The following CNTLN variants were observed in gnomAD, a reference collection of about 807,000 sequenced individuals.
The protein encoded by CNTLN is centlein, centrosomal protein.
In CNTLN, 212 loss-of-function variants were observed where a neutral mutation model predicts 180.0. That is an observed-to-expected ratio of 1.18 (90% CI 1.05 to 1.32). The LOEUF (loss-of-function observed/expected upper bound fraction) is 1.32. Among genes scored for constraint, CNTLN ranks in the 40% most tolerant of loss-of-function variants. CNTLN has a pLI of 0.00. For missense variants in CNTLN, 2,095 were observed against 1,610.9 expected (o/e 1.30, Z -5.14); for synonymous variants, 722 against 563.1 (o/e 1.28, Z -3.99).
In CNTLN at chr9:17,141,180, T is replaced by G. The variant is rs144678990; in HGVS notation, c.361-2108T>G. Among the ~76,000 whole-genome samples, 7 of 152,276 alleles carry G rather than the reference T, an allele frequency of 4.6e-5. No individual in the cohort carries two copies. In the East Asian group the frequency reaches 1.3e-3, roughly 29 times the overall value. ...TCTGTTACTTGGGCAGAATTGTTTC[T>G]GTAACTAAAAAGAGAGAATGGATGA... On this transcript the variant is annotated intron_variant, in intron 1 of 25. Transcript: ENST00000380647.
At chr9:17,441,823 G>A (rs1037305034) in intron 18 of CNTLN, among the ~76,000 whole-genome samples, 3 of 152,058 alleles carry the variant, frequency 2.0e-5, no homozygotes, top group Admixed American at 6.6e-5. Flanking sequence ...TAGTTTTAAC[G>A]ACACAGGCTT....
At chr9:17,466,572 A>C in intron 22 of CNTLN, 134 bp from the exon 23 acceptor site, 1 of 663,196 alleles carries the variant, frequency 1.5e-6, no homozygotes, top group Non-Finnish European at 2.5e-6. Context: ...TAATGAAAAT[A>C]ATCATTAATT....
intron 15 of CNTLN, among the ~76,000 whole-genome samples, chr9:17,406,885 C>G (rs773966538): frequency 1.3e-5 from 2 of 151,644 alleles, no homozygotes; most frequent in African/African-American, 2.4e-5. Flanking sequence ...CAAGGGCTCT[C>G]CAATCAAATC....
intron 23 of CNTLN, among the ~76,000 whole-genome samples, chr9:17,481,132 G>C (rs1372119531): frequency 6.6e-6 from 1 of 152,122 alleles, no homozygotes; most frequent in African/African-American, 2.4e-5. Flanking sequence ...GGCACAGTCT[G>C]GACCCCGCCG....
intron 23 of CNTLN, 64 bp downstream of exon 23, chr9:17,466,955 T>G (rs1831788957): frequency 8.7e-7 from 1 of 1,145,840 alleles, no homozygotes; most frequent in Non-Finnish European, 1.2e-6. Flanking sequence ...GTAGCCTACT[T>G]GAGATGATTT....
chr9:17,492,802 G>A (rs374591817), intron 25 of CNTLN, among the ~76,000 whole-genome samples: 7 of 152,112 alleles, frequency 4.6e-5, no homozygotes, highest in East Asian at 1.9e-4. Context: ...TCACAACAGC[G>A]TTGTTGACAA....
At chr9:17,526,170 T>C in the CNTLN span, among the ~76,000 whole-genome samples, 139,865 of 152,118 alleles carry the variant, frequency 0.92, 64,703 homozygotes, top group Middle Eastern at 0.98. Flanking sequence ...CTCCTGACCT[T>C]GTGATCCACC....
chr9:17,265,162 A>T (rs1254948360), intron 5 of CNTLN, among the ~76,000 whole-genome samples: 1 of 149,266 alleles, frequency 6.7e-6, no homozygotes, highest in Non-Finnish European at 1.5e-5. Context: ...ATTCAGTATG[A>T]TATTGGCTGT....
intron 12 of CNTLN, among the ~76,000 whole-genome samples, chr9:17,345,962 A>C (rs1419452426): frequency 6.6e-6 from 1 of 152,174 alleles, no homozygotes; most frequent in African/African-American, 2.4e-5. Flanking sequence ...CTGGTAAGAA[A>C]TTCTCTGTTT....
At chr9:17,301,582 A>G in intron 7 of CNTLN, 1 of 984,774 alleles carries the variant, frequency 1.0e-6, no homozygotes, top group Non-Finnish European at 1.2e-6. Flanking sequence ...ACTGATACTT[A>G]AGTTGATTCT....
rs553781784 is a variant in CNTLN, at chr9:17,456,430, T to C, written c.3115-1094T>C. On this transcript the variant is annotated intron_variant, in intron 18 of 25. Coordinates refer to ENST00000380647, the MANE Select transcript of CNTLN (RefSeq NM_017738.4). ...CCAAAACAGTTTGATCTCAAGTATATCAAGTTCTAGTTTTGAGTCCATGAT... is the reference window on the plus strand; with the variant it reads ...CCAAAACAGTTTGATCTCAAGTATACCAAGTTCTAGTTTTGAGTCCATGAT... Among the ~76,000 whole-genome samples, 43 of 152,126 alleles carry C rather than the reference T, an allele frequency of 2.8e-4. 1 individual carries two copies. The highest frequency in any genetic ancestry group is 5.7e-4 in the Non-Finnish European group (39 of 68,000).
intron 5 of CNTLN, among the ~76,000 whole-genome samples, chr9:17,246,649 G>T (rs1483474374): frequency 1.3e-5 from 2 of 152,158 alleles, no homozygotes; most frequent in Non-Finnish European, 2.9e-5. Flanking sequence ...AGTTTGCCCT[G>T]GCCATGTGTA....
chr9:17,327,337 C>T (rs563678281), intron 8 of CNTLN, among the ~76,000 whole-genome samples: 1 of 151,310 alleles, frequency 6.6e-6, no homozygotes, highest in African/African-American at 2.4e-5. Context: ...CTCAGCCTCC[C>T]GAGTAGCTGG....
In CNTLN at chr9:17,164,087, G is replaced by A. The variant is rs555872150; in HGVS notation, c.449+20711G>A. ...AGAACTTTGGAAGGCTGAGGCCGGC[G>A]GATCACTTGAGGCCAGGAGTTCAAG... On this transcript the variant is annotated intron_variant, in intron 2 of 25. Transcript: ENST00000380647. Among the ~76,000 whole-genome samples, 59 of 151,552 alleles carry A rather than the reference G, an allele frequency of 3.9e-4. 1 individual carries two copies. Among genetic ancestry groups the A allele is most frequent in the African/African-American group, 1.3e-3 (55 of 41,306 alleles).
intron 15 of CNTLN, among the ~76,000 whole-genome samples, chr9:17,401,254 C>G (rs762345906): frequency 1.3e-5 from 2 of 152,146 alleles, no homozygotes; most frequent in Non-Finnish European, 2.9e-5. Context: ...GATGACCAGA[C>G]TATATATACA....
At chr9:17,404,317 C>T (rs1045563739) in intron 15 of CNTLN, among the ~76,000 whole-genome samples, 29 of 151,670 alleles carry the variant, frequency 1.9e-4, no homozygotes, top group African/African-American at 6.1e-4. Context: ...TTTAGGTTGG[C>T]GTGGCCGCTG....
chr9:17,521,550 T>A, the CNTLN span, among the ~76,000 whole-genome samples: 1 of 152,142 alleles, frequency 6.6e-6, no homozygotes, highest in African/African-American at 2.4e-5. Context: ...TTTTAGCCAT[T>A]TTTACATAGA....
intron 13 of CNTLN, among the ~76,000 whole-genome samples, chr9:17,385,871 C>T (rs1334826618): frequency 6.6e-6 from 1 of 152,056 alleles, no homozygotes; most frequent in African/African-American, 2.4e-5. Context: ...TTTAGGTATC[C>T]CAGGAAGGTC....
At chr9:17,436,802 C>T (rs148616787) in intron 18 of CNTLN, among the ~76,000 whole-genome samples, 22 of 152,236 alleles carry the variant, frequency 1.4e-4, no homozygotes, top group East Asian at 1.9e-4. Context: ...GCCTCATTTC[C>T]GTTTTTGTGA....
Sources: allele counts gnomAD v4.1 joint callset (sites outside exome capture counted in the v4.1 genomes callset), GRCh38; gene constraint gnomAD v4.1.1; transcripts MANE v1.5; gene names NCBI Gene and HGNC (gene_info 2026-07-23, HGNC 2026-07-21).